The following SORCS2 variants were observed in gnomAD, a reference collection of about 807,000 sequenced individuals.
SORCS2 encodes the protein VPS10 domain-containing receptor SorCS2.
SORCS2 carries 100 observed loss-of-function variants against 141.6 expected under a neutral mutation model. The ratio of observed to expected loss-of-function variants is 0.71; its 90% CI spans 0.60 to 0.83. The LOEUF is 0.83. Ranked by LOEUF, SORCS2 falls within the 40% of genes least tolerant of loss-of-function variation. The pLI is 0.00. For missense variants in SORCS2, 1,646 were observed against 1,560.2 expected (o/e 1.05, Z -0.93); for synonymous variants, 789 against 676.9 (o/e 1.17, Z -2.57).
At chr4:7,361,708 G>GC (rs113544939) in intron 1 of SORCS2, among the ~76,000 whole-genome samples, 9,300 of 152,048 alleles carry the variant, frequency 0.061, 544 homozygotes, top group African/African-American at 0.15. Context: ...AAGGGCTGGG[G>GC]ACCCCACTGC....
intron 2 of SORCS2, among the ~76,000 whole-genome samples, chr4:7,416,671 T>C (rs981575516): frequency 5.3e-5 from 8 of 151,398 alleles, no homozygotes; most frequent in Non-Finnish European, 1.0e-4. Context: ...CACACACTTG[T>C]GTGCACACTC....
chr4:7,693,376 C>T (rs753654186), intron 11 of SORCS2, among the ~76,000 whole-genome samples: 2 of 152,236 alleles, frequency 1.3e-5, no homozygotes, highest in South Asian at 4.1e-4. Context: ...ACCCCTTTGC[C>T]AAGGCTGCTC....
chr4:7,645,916 C>T (rs1216657654), intron 4 of SORCS2, among the ~76,000 whole-genome samples: 2 of 152,212 alleles, frequency 1.3e-5, no homozygotes, highest in Middle Eastern at 3.2e-3. Context: ...CCTTCCTGCT[C>T]CCAAGGCCGT....
chr4:7,341,157 G>A (rs965963011), intron 1 of SORCS2, among the ~76,000 whole-genome samples: 5 of 152,256 alleles, frequency 3.3e-5, no homozygotes, highest in African/African-American at 4.8e-5. Flanking sequence ...CGAGGTCTGC[G>A]TGCAGGAAAT....
At chr4:7,340,128 C>T (rs971389401) in intron 1 of SORCS2, among the ~76,000 whole-genome samples, 1 of 152,078 alleles carries the variant, frequency 6.6e-6, no homozygotes, top group Non-Finnish European at 1.5e-5. Flanking sequence ...AGTGTCCTTA[C>T]CTTCATTCTA....
At chr4:7,459,585 G>T (rs911914469) in intron 2 of SORCS2, among the ~76,000 whole-genome samples, 1 of 152,224 alleles carries the variant, frequency 6.6e-6, no homozygotes, top group Admixed American at 6.5e-5. Context: ...GCCCCGGGAA[G>T]TGAGGCAGCC....
intron 1 of SORCS2, among the ~76,000 whole-genome samples, chr4:7,325,454 T>A (rs1425692141): frequency 6.6e-6 from 1 of 152,156 alleles, no homozygotes; most frequent in East Asian, 1.9e-4. Context: ...AAAAGCTAAC[T>A]GGTTATCTTT....
At chr4:7,380,480 TTCA>T (rs1722919744) in intron 1 of SORCS2, among the ~76,000 whole-genome samples, 2 of 123,658 alleles carry the variant, frequency 1.6e-5, no homozygotes, top group African/African-American at 6.5e-5. Flanking sequence ...TGAATTCAAA[TTCA>T]AGAGAAACTG....
At chr4:7,580,231 C>A (rs1226982397) in intron 3 of SORCS2, among the ~76,000 whole-genome samples, 1 of 152,144 alleles carries the variant, frequency 6.6e-6, no homozygotes, top group Non-Finnish European at 1.5e-5. Context: ...CCTGTAATCC[C>A]AGCACTTTGG....
At chr4:7,388,476 C>T (rs996937783) in intron 1 of SORCS2, among the ~76,000 whole-genome samples, 2 of 152,062 alleles carry the variant, frequency 1.3e-5, no homozygotes, top group African/African-American at 4.8e-5. Flanking sequence ...GTAATACAGC[C>T]AAATGGTTCC....
chr4:7,739,260 A>G (rs1244076410), intron 26 of SORCS2, among the ~76,000 whole-genome samples: 2 of 150,852 alleles, frequency 1.3e-5, no homozygotes, highest in Non-Finnish European at 3.0e-5. Context: ...AACTCTAAAG[A>G]CCCCTCCACT....
At chr4:7,255,900 GC>G (rs1560143917) in intron 1 of SORCS2, among the ~76,000 whole-genome samples, 2 of 5,978 alleles carry the variant, frequency 3.3e-4, no homozygotes, top group East Asian at 3.4e-3. Context: ...GGGACCCGGG[GC>G]TGGAGCGTGG....
At chr4:7,614,697 T>TATCCACCC (rs150886591) in intron 3 of SORCS2, among the ~76,000 whole-genome samples, 1 of 142,484 alleles carries the variant, frequency 7.0e-6, no homozygotes, top group African/African-American at 2.7e-5. Context: ...TCCATCCACC[T>TATCCACCC]ATCCACCCAT....
intron 1 of SORCS2, among the ~76,000 whole-genome samples, chr4:7,296,897 C>A (rs1255999864): frequency 6.6e-6 from 1 of 152,216 alleles, no homozygotes; most frequent in Non-Finnish European, 1.5e-5. Flanking sequence ...TCCCCAGCCC[C>A]CTCTGGCCAA....
At chr4:7,445,058 CG>C (rs1352754016) in intron 2 of SORCS2, among the ~76,000 whole-genome samples, 1 of 151,924 alleles carries the variant, frequency 6.6e-6, no homozygotes, top group Non-Finnish European at 1.5e-5. Flanking sequence ...ACCATTGCTG[CG>C]GGTGGCAAGA....
chr4:7,499,650 C>G (rs758765909), intron 2 of SORCS2, among the ~76,000 whole-genome samples: 21 of 151,960 alleles, frequency 1.4e-4, no homozygotes, highest in Non-Finnish European at 2.8e-4. Context: ...CACAGGGACA[C>G]TGGCCATCCC....
At chr4:7,739,779 A>G (rs1430024498) in intron 26 of SORCS2, among the ~76,000 whole-genome samples, 2 of 151,992 alleles carry the variant, frequency 1.3e-5, no homozygotes, top group Non-Finnish European at 2.9e-5. Flanking sequence ...ACCCCTTGGC[A>G]CTGACATCCC....
intron 1 of SORCS2, among the ~76,000 whole-genome samples, chr4:7,202,488 C>T (rs905132551): frequency 1.3e-5 from 2 of 152,218 alleles, no homozygotes; most frequent in African/African-American, 4.8e-5. Flanking sequence ...AGTTTCTTCT[C>T]ACACCAGCTC....
chr4:7,358,239 T>C (rs6844290), intron 1 of SORCS2, among the ~76,000 whole-genome samples: 11,910 of 152,282 alleles, frequency 0.078, 565 homozygotes, highest in South Asian at 0.15. Flanking sequence ...AGAGGGGCCG[T>C]TGATGGCCAT....
Sources: gnomAD v4.1 joint callset for allele counts (sites outside exome capture counted in the v4.1 genomes callset) on GRCh38, gnomAD v4.1.1 for gene constraint, MANE v1.5 for transcripts, NCBI Gene and HGNC (gene_info 2026-07-23, HGNC 2026-07-21) for gene names.